ARID1B: variants seen among roughly 807,000 people sequenced by gnomAD.
The protein encoded by ARID1B is AT-rich interaction domain 1B.
ARID1B carries 30 observed loss-of-function variants against 212.3 expected under a neutral mutation model. The observed-to-expected ratio is 0.14, with a 90% confidence interval of 0.11 to 0.19. The LOEUF is 0.19. Ranked by LOEUF, ARID1B falls within the 10% of genes least tolerant of loss-of-function variation. The pLI is 1.00. For synonymous variants in ARID1B, 1,402 were observed against 1,301.7 expected (o/e 1.08, Z -1.66); for missense variants, 2,891 against 3,204.0 (o/e 0.90, Z 2.36).
chr6:156,923,882 A>G (rs1791008245), intron 3 of ARID1B, among the ~76,000 whole-genome samples: 1 of 151,910 alleles, frequency 6.6e-6, no homozygotes, highest in African/African-American at 2.4e-5. Context: ...TAATTTTTGT[A>G]GAGACAGGTT....
At chr6:156,897,243 CTTCTTCTTCTTCTTCTTCTTCTTA>C (rs1788516459) in intron 2 of ARID1B, among the ~76,000 whole-genome samples, 2 of 103,636 alleles carry the variant, frequency 1.9e-5, no homozygotes, top group Non-Finnish European at 2.0e-5. Context: ...TCTTCTTCTT[CTTCTTCTTCTTCTTCTTCTTCTTA>C]TTATTATTAT....
intron 4 of ARID1B, among the ~76,000 whole-genome samples, chr6:157,017,381 T>C (rs1779970643): frequency 6.6e-6 from 1 of 152,222 alleles, no homozygotes; most frequent in Admixed American, 6.5e-5. Flanking sequence ...AAAACATCTA[T>C]TGGGGACCAC....
chr6:156,937,636 C>A (rs1312650271), intron 4 of ARID1B: 2 of 152,190 alleles, frequency 1.3e-5, no homozygotes, highest in African/African-American at 4.8e-5. Flanking sequence ...ATTGTAGTTT[C>A]AGATAACTGA....
At chr6:156,790,546 C>G (rs1437758898) in intron 1 of ARID1B, among the ~76,000 whole-genome samples, 1 of 152,152 alleles carries the variant, frequency 6.6e-6, no homozygotes, top group Non-Finnish European at 1.5e-5. Flanking sequence ...GGATCTTTTG[C>G]TTCTACTTTA....
In ARID1B at chr6:157,181,083, G is replaced by C. The variant is rs759432635; in HGVS notation, c.3619G>C (p.Gly1207Arg). The C allele has an allele frequency of 1.2e-6, 2 of 1,614,200 alleles. No homozygotes were observed. Among genetic ancestry groups the C allele is most frequent in the Non-Finnish European group, 1.7e-6 (2 of 1,180,040 alleles). The change falls in exon 12 of 20, where the codon GGC (glycine) becomes CGC (arginine). Residue 1207 changes from glycine to arginine, a missense_variant. Transcript: ENST00000636930. ...DRYLTFMEER[G>R]SPVSSLPAVG... ...ATACCTCACCTTCATGGAAGAGAGA[G>C]GCTCTCCTGTCTCAAGTCTGCCTGC...
At chr6:157,028,576 T>G (rs1271041100) in intron 4 of ARID1B, among the ~76,000 whole-genome samples, 1 of 152,236 alleles carries the variant, frequency 6.6e-6, no homozygotes, top group Admixed American at 6.5e-5. Context: ...ATATTGTTCA[T>G]GATCTCATAG....
At chr6:156,929,628 A>G (rs1791533713) in intron 3 of ARID1B, among the ~76,000 whole-genome samples, 4 of 152,232 alleles carry the variant, frequency 2.6e-5, no homozygotes, top group Admixed American at 2.0e-4. Context: ...CAATGTGGCC[A>G]TCTTAACTCT....
At chr6:156,806,895 C>T (rs1177964909) in intron 1 of ARID1B, among the ~76,000 whole-genome samples, 3 of 152,190 alleles carry the variant, frequency 2.0e-5, no homozygotes, top group Non-Finnish European at 2.9e-5. Context: ...CGTAAATGAA[C>T]GTGGGAGGAG....
intron 4 of ARID1B, among the ~76,000 whole-genome samples, chr6:157,028,738 T>C (rs1459015117): frequency 6.6e-6 from 1 of 152,154 alleles, no homozygotes; most frequent in Non-Finnish European, 1.5e-5. Context: ...TCAAGAAAAT[T>C]ATTTATGGAA....
At chr6:156,968,128 G>C (rs1341994783) in intron 4 of ARID1B, among the ~76,000 whole-genome samples, 2 of 152,172 alleles carry the variant, frequency 1.3e-5, no homozygotes, top group Admixed American at 1.3e-4. Context: ...CCAAGCATCT[G>C]TAAGCACCTC....
Position 157,208,715 on chromosome 6 carries a change from C to CTTTTTTTTTT in ARID1B, c.*833_*842dup, listed in dbSNP as rs878880822. On this transcript the variant is annotated 3_prime_UTR_variant, in exon 20 of 20. Coordinates refer to ENST00000636930, the MANE Select transcript of ARID1B (RefSeq NM_001374828.1). ...AAACATACCCTCATTTTTTTCTTTT[C>CTTTTTTTTTT]TTTTTTTTTTTTTTTTTTAGTACAA... is the stretch of plus-strand genomic sequence containing the variant. The CTTTTTTTTTT allele has an allele frequency of 2.9e-5, 4 of 140,056 alleles. No individual in the cohort carries two copies. The highest frequency in any genetic ancestry group is 5.6e-5 in the Non-Finnish European group (4 of 70,888). 8.7% of individuals were successfully genotyped at this position (140,056 alleles called of 1,614,324 possible).
chr6:157,139,483 G>A (rs1489425293), intron 7 of ARID1B, among the ~76,000 whole-genome samples: 1 of 152,236 alleles, frequency 6.6e-6, no homozygotes, highest in South Asian at 2.1e-4. Flanking sequence ...AGCGGCAGCC[G>A]ATCGGGACCC....
chr6:157,021,703 C>G (rs1022333473), intron 4 of ARID1B, among the ~76,000 whole-genome samples: 9 of 151,988 alleles, frequency 5.9e-5, no homozygotes, highest in African/African-American at 2.2e-4. Context: ...CAAGCGCGGC[C>G]GCCGCCTGCA....
chr6:156,800,359 C>T (rs769113185), intron 1 of ARID1B, among the ~76,000 whole-genome samples: 25 of 152,116 alleles, frequency 1.6e-4, no homozygotes, highest in Non-Finnish European at 2.1e-4. Context: ...GAGGCCGAGG[C>T]GGGTGGATCA....
At chr6:156,792,591 C>T (rs919167675) in intron 1 of ARID1B, among the ~76,000 whole-genome samples, 2 of 152,106 alleles carry the variant, frequency 1.3e-5, no homozygotes, top group Non-Finnish European at 2.9e-5. Flanking sequence ...CTTGAGTAGG[C>T]TGATAGGACG....
chr6:156,841,816 G>A (rs564037471), intron 2 of ARID1B, among the ~76,000 whole-genome samples: 53 of 152,276 alleles, frequency 3.5e-4, no homozygotes, highest in African/African-American at 1.2e-3. Context: ...AGGCTAAGGG[G>A]AGGGGTTACT....
intron 4 of ARID1B, among the ~76,000 whole-genome samples, chr6:157,040,651 T>C (rs1366823537): frequency 2.0e-5 from 3 of 152,250 alleles, no homozygotes; most frequent in Non-Finnish European, 4.4e-5. Flanking sequence ...TATGTACATG[T>C]GGCGAAACTA....
chr6:156,894,299 T>TGGGGGCCGGGGGGGGGGGAG (rs1326684088), intron 2 of ARID1B, among the ~76,000 whole-genome samples: 2 of 7,500 alleles, frequency 2.7e-4, no homozygotes, highest in Admixed American at 1.9e-3. Flanking sequence ...GGGGTTGGGA[T>TGGGGGCCGGGGGGGGGGGAG]GGGGGCCGGG....
chr6:156,885,434 A>G (rs767606712), intron 2 of ARID1B, among the ~76,000 whole-genome samples: 35 of 152,206 alleles, frequency 2.3e-4, no homozygotes, highest in Non-Finnish European at 4.7e-4. Flanking sequence ...TGAGGAGGCA[A>G]TGGAAAGAAG....
Sources: allele counts gnomAD v4.1 joint callset (sites outside exome capture counted in the v4.1 genomes callset), GRCh38; gene constraint gnomAD v4.1.1; transcripts MANE v1.5; gene names NCBI Gene and HGNC (gene_info 2026-07-23, HGNC 2026-07-21).